SLC30A8: variants seen among roughly 807,000 people sequenced by gnomAD.
The protein encoded by SLC30A8 is solute carrier family 30 member 8.
In SLC30A8, 27 loss-of-function variants were observed where a neutral mutation model predicts 36.9. The observed-to-expected ratio is 0.73, with a 90% CI of 0.54 to 1.01. The LOEUF (loss-of-function observed/expected upper bound fraction) is 1.01. SLC30A8 is among the 50% of genes least tolerant of loss of function. SLC30A8 has a pLI of 0.00. For missense variants in SLC30A8, 439 were observed against 452.0 expected, an observed-to-expected ratio of 0.97 and a Z score of 0.26; for synonymous variants, 164 against 172.4, an observed-to-expected ratio of 0.95 and a Z score of 0.38.
Position 116,985,332 on chromosome 8 carries a change from AC to A in SLC30A8, c.-266+34214del, listed in dbSNP as rs1265846945. On this transcript the variant is annotated intron_variant, in intron 1 of 10. Coordinates refer to the SLC30A8 transcript ENST00000427715. The stretch of plus-strand genomic sequence containing the variant: ...CACACACACACACACACACACACAC[AC>A]AAGTATGTATATCTTTTTTAAAACC... 4.3e-5 allele frequency among the ~76,000 whole-genome samples: 6 copies of A among 141,020 alleles called. No individual in the cohort carries two copies. The East Asian group carries it at 7.9e-4, about 19-fold the overall frequency. The allele number at this position is 141,020 out of a possible 152,430, so 92.5% of individuals were successfully genotyped here. A position where few individuals can be genotyped will look rare whatever the true frequency, so the allele number is the denominator to read the frequency against.
chr8:117,016,861 C>G (rs1255850941), intron 1 of SLC30A8, among the ~76,000 whole-genome samples: 30 of 152,068 alleles, frequency 2.0e-4, no homozygotes, highest in Admixed American at 1.9e-3. Context: ...TACTGCCATT[C>G]ACATTTTAAA....
intron 2 of SLC30A8, among the ~76,000 whole-genome samples, chr8:117,100,906 T>C (rs902571015): frequency 3.3e-5 from 5 of 152,216 alleles, no homozygotes; most frequent in African/African-American, 1.2e-4. Flanking sequence ...TGAATCCTTC[T>C]TAATGTCTCC....
chr8:117,173,897 C>A lies in SLC30A8; in HGVS notation c.*1216C>A, dbSNP rs1402423289. Reference sequence around the variant, plus strand: ...TATAAAAGGAAAGCGATGGATATTGCCGGATGGGCATGGCCAGTGATGTTT... The same window carrying A: ...TATAAAAGGAAAGCGATGGATATTGACGGATGGGCATGGCCAGTGATGTTT... On this transcript the variant is annotated 3_prime_UTR_variant, in exon 8 of 8. Transcript: ENST00000456015. 6.6e-6 allele frequency: 1 copy of A among 152,086 alleles called. No individual in the cohort carries two copies. The highest frequency in any genetic ancestry group is 2.4e-5 in the African/African-American group (1 of 41,424). 9.4% of individuals were successfully genotyped at this position (152,086 alleles called of 1,614,324 possible).
At chr8:117,097,138 G>A (rs181655054) in intron 2 of SLC30A8, among the ~76,000 whole-genome samples, 2,251 of 151,502 alleles carry the variant, frequency 0.015, 20 homozygotes, top group Non-Finnish European at 0.02. Flanking sequence ...AGTGGCTCAC[G>A]CCTGTAGATC....
chr8:117,162,663 A>G (rs1822851412), intron 5 of SLC30A8, among the ~76,000 whole-genome samples: 2 of 152,260 alleles, frequency 1.3e-5, no homozygotes, highest in Admixed American at 6.5e-5. Context: ...ACATGGAAAG[A>G]AAAATTACAA....
At chr8:117,031,564 G>A (rs559839104) in intron 1 of SLC30A8, among the ~76,000 whole-genome samples, 15 of 151,650 alleles carry the variant, frequency 9.9e-5, no homozygotes, top group Non-Finnish European at 2.1e-4. Flanking sequence ...GGGTTCAAGC[G>A]ATTCTCCCGC....
intron 2 of SLC30A8, among the ~76,000 whole-genome samples, chr8:117,092,635 G>A (rs1819181879): frequency 1.3e-5 from 2 of 152,206 alleles, no homozygotes; most frequent in Non-Finnish European, 1.5e-5. Context: ...TAAAGAGATA[G>A]GTAGAGAAAA....
At chr8:116,977,767 C>T (rs1295720770) in intron 1 of SLC30A8, among the ~76,000 whole-genome samples, 3 of 152,060 alleles carry the variant, frequency 2.0e-5, no homozygotes, top group Non-Finnish European at 4.4e-5. Flanking sequence ...GCCTCGGCCT[C>T]CCAAAGTGTT....
chr8:117,069,217 A>G (rs1046657246), intron 2 of SLC30A8, among the ~76,000 whole-genome samples: 1 of 152,246 alleles, frequency 6.6e-6, no homozygotes, highest in Non-Finnish European at 1.5e-5. Flanking sequence ...TTGCTTATTA[A>G]AAAGGAATTA....
At chr8:116,960,520 G>A (rs28404658) in intron 1 of SLC30A8, among the ~76,000 whole-genome samples, 2,227 of 152,228 alleles carry the variant, frequency 0.015, 62 homozygotes, top group African/African-American at 0.051. Flanking sequence ...GGGAAATACC[G>A]TAAGTATTCG....
At chr8:117,030,362 TTC>T (rs1308776428) in intron 1 of SLC30A8, among the ~76,000 whole-genome samples, 1 of 152,220 alleles carries the variant, frequency 6.6e-6, no homozygotes, top group Non-Finnish European at 1.5e-5. Flanking sequence ...TTTTTAGTTG[TTC>T]ACCAGGCATG....
chr8:117,080,999 T>C (rs1818659723), intron 2 of SLC30A8, among the ~76,000 whole-genome samples: 1 of 152,232 alleles, frequency 6.6e-6, no homozygotes, highest in African/African-American at 2.4e-5. Context: ...TAGTAGAAAC[T>C]GTTTTCACCT....
Position 117,135,316 on chromosome 8 carries a change from A to T in SLC30A8, c.-12A>T, listed in dbSNP as rs761604164. The T allele has an allele frequency of 1.9e-6, 3 of 1,588,880 alleles. No individual in the cohort carries two copies. The highest frequency in any genetic ancestry group is 3.4e-4 in the Middle Eastern group (2 of 5,970). ...ACAACGACAACAACAGCCGCAGCTC[A>T]TCCTGGCCGTCATGGAGTTTCTTGA... On this transcript the variant is annotated 5_prime_UTR_variant, in exon 1 of 8. Coordinates refer to ENST00000456015, the MANE Select transcript of SLC30A8 (RefSeq NM_173851.3).
chr8:116,986,616 C>G (rs1464334414), intron 1 of SLC30A8, among the ~76,000 whole-genome samples: 1 of 152,148 alleles, frequency 6.6e-6, no homozygotes. Context: ...AACAGCTCAT[C>G]TTGTATGGTG....
chr8:117,145,447 T>C (rs1448823403), intron 1 of SLC30A8, among the ~76,000 whole-genome samples: 1 of 152,034 alleles, frequency 6.6e-6, no homozygotes, highest in Non-Finnish European at 1.5e-5. Flanking sequence ...GTCAGAATAA[T>C]AATTGTCATC....
chr8:117,132,005 A>G (rs970332696), upstream of SLC30A8, among the ~76,000 whole-genome samples: 2 of 151,976 alleles, frequency 1.3e-5, no homozygotes, highest in African/African-American at 4.8e-5. Context: ...ACTTCACCAC[A>G]CTACCTCTCC....
intron 1 of SLC30A8, among the ~76,000 whole-genome samples, chr8:117,001,005 C>T (rs1353148679): frequency 2.0e-5 from 3 of 152,022 alleles, no homozygotes. Flanking sequence ...TCCCCTTCAT[C>T]TTTTTTCAGC....
At chr8:117,054,268 T>C (rs559499692) in intron 2 of SLC30A8, among the ~76,000 whole-genome samples, 3 of 152,156 alleles carry the variant, frequency 2.0e-5, no homozygotes, top group Admixed American at 2.0e-4. Context: ...CTGGCTATTT[T>C]TAAATTTTTT....
At chr8:117,075,927 A>C (rs1818473677) in intron 2 of SLC30A8, among the ~76,000 whole-genome samples, 2 of 152,072 alleles carry the variant, frequency 1.3e-5, no homozygotes, top group African/African-American at 4.8e-5. Flanking sequence ...GACTACTTGT[A>C]GTTATTCAGA....
Sources: gnomAD v4.1 joint callset for allele counts (sites outside exome capture counted in the v4.1 genomes callset) on GRCh38, gnomAD v4.1.1 for gene constraint, MANE v1.5 for transcripts, NCBI Gene and HGNC (gene_info 2026-07-23, HGNC 2026-07-21) for gene names.